Variants in POLA1 observed in about 807,000 individuals in gnomAD.
POLA1 encodes DNA polymerase alpha 1, catalytic subunit.
POLA1 carries 15 observed loss-of-function variants against 124.0 expected under a neutral mutation model. The observed-to-expected ratio is 0.12, with a 90% CI of 0.08 to 0.19. POLA1 has a LOEUF of 0.19. Among genes scored for constraint, POLA1 ranks in the 10% least tolerant of loss-of-function variants. The pLI is 1.00. For synonymous variants in POLA1, 408 were observed against 389.4 expected (o/e 1.05, Z -0.56); for missense variants, 886 against 1,103.4 (o/e 0.80, Z 2.79).
At chrX:24,809,798 A>G (rs749658503) in intron 26 of POLA1, 100 bp from the exon 27 acceptor site, 35 of 496,100 alleles carry the variant, frequency 7.1e-5, no homozygotes, top group Non-Finnish European at 1.1e-4. Flanking sequence ...TTAGAAATAC[A>G]TGGAAATGGC....
chrX:24,878,455 A>G (rs924967762), intron 34 of POLA1, among the ~76,000 whole-genome samples: 4 of 111,493 alleles, frequency 3.6e-5, no homozygotes, highest in Non-Finnish European at 7.5e-5. Flanking sequence ...TTACCCCAGG[A>G]CATCTGAGTT....
intron 36 of POLA1, among the ~76,000 whole-genome samples, chrX:24,979,770 G>A (rs2048401363): frequency 8.9e-6 from 1 of 112,337 alleles, no homozygotes; most frequent in East Asian, 2.8e-4. Flanking sequence ...TTCCCAAGGC[G>A]CTGCCCTGCA....
In POLA1 at chrX:24,737,678, G is replaced by A; in HGVS notation, c.1977G>A (p.Val659=). The change falls in exon 19 of 37, where the codon GTG becomes GTA. Residue 659 remains valine, a synonymous_variant. Coordinates refer to ENST00000379068, the MANE Select transcript of POLA1 (RefSeq NM_001330360.2). The part of the protein sequence containing the change: ...ELEVLLQRIN[V]CKAPHWSKIG... The stretch of plus-strand genomic sequence containing the variant: ...AAGTACTACTGCAGAGAATTAATGT[G>A]TGCAAAGCTCCTCACTGGTCCAAGA... 1 of 1,184,189 alleles carries A rather than the reference G, an allele frequency of 8.4e-7. No individual in the cohort carries two copies. Among genetic ancestry groups the A allele is most frequent in the Non-Finnish European group, 1.1e-6 (1 of 871,303 alleles).
chrX:24,919,472 T>C (rs2047580417), intron 35 of POLA1, among the ~76,000 whole-genome samples: 2 of 111,503 alleles, frequency 1.8e-5, no homozygotes, highest in Non-Finnish European at 3.8e-5. Flanking sequence ...AAATGAAAGG[T>C]TACCTGGCCT....
intron 26 of POLA1, among the ~76,000 whole-genome samples, chrX:24,783,626 A>G (rs1237466225): frequency 1.8e-5 from 2 of 112,110 alleles, no homozygotes; most frequent in Non-Finnish European, 3.8e-5. Flanking sequence ...CACCAAGTTT[A>G]AAGTCTTTTC....
chrX:24,859,378 A>G (rs1381634625), intron 34 of POLA1, among the ~76,000 whole-genome samples: 1 of 111,202 alleles, frequency 9.0e-6, no homozygotes, highest in Non-Finnish European at 1.9e-5. Context: ...AGAGCTTGGC[A>G]TTCCTCAGGG....
intron 23 of POLA1, 72 bp downstream of exon 23, chrX:24,743,401 A>G (rs894757399): frequency 1.9e-5 from 10 of 522,922 alleles, no homozygotes; most frequent in Admixed American, 3.3e-5. Flanking sequence ...GGCTTGAGAA[A>G]CTAGAAGACT....
intron 26 of POLA1, among the ~76,000 whole-genome samples, chrX:24,800,931 C>T (rs939269349): frequency 2.7e-5 from 3 of 111,813 alleles, no homozygotes; most frequent in East Asian, 5.6e-4. Flanking sequence ...ACTCATAAAT[C>T]GTATTAAATT....
At chrX:24,975,626 G>C (rs1393706384) in intron 36 of POLA1, among the ~76,000 whole-genome samples, 1 of 112,001 alleles carries the variant, frequency 8.9e-6, no homozygotes, top group African/African-American at 3.3e-5. Flanking sequence ...ACCCATGAGA[G>C]AATGAGAGTG....
chrX:24,980,014 T>A (rs1354377397), intron 36 of POLA1, among the ~76,000 whole-genome samples: 1 of 111,979 alleles, frequency 8.9e-6, no homozygotes, highest in Non-Finnish European at 1.9e-5. Context: ...ATGTATTTTT[T>A]CCTTTTCTTC....
At chrX:24,817,607 C>CAAAAAAA (rs1171262514) in intron 30 of POLA1, among the ~76,000 whole-genome samples, 2 of 33,455 alleles carry the variant, frequency 6.0e-5, no homozygotes, top group African/African-American at 9.2e-5. Flanking sequence ...GATTCCATCT[C>CAAAAAAA]AAAAAAAAAA....
At chrX:24,910,082 A>G (rs1186896039) in intron 35 of POLA1, among the ~76,000 whole-genome samples, 1 of 108,449 alleles carries the variant, frequency 9.2e-6, no homozygotes, top group African/African-American at 3.4e-5. Flanking sequence ...TTGCACATTG[A>G]TTTTGTATCC....
chrX:24,802,683 T>C (rs765158631), intron 26 of POLA1, among the ~76,000 whole-genome samples: 5 of 111,704 alleles, frequency 4.5e-5, no homozygotes, highest in African/African-American at 1.6e-4. Context: ...GTAGCATATG[T>C]GGGCTCATTG....
intron 26 of POLA1, among the ~76,000 whole-genome samples, chrX:24,764,319 A>G (rs1932852937): frequency 8.9e-6 from 1 of 112,079 alleles, no homozygotes; most frequent in South Asian, 3.7e-4. Flanking sequence ...AGTCTTCTCT[A>G]AAAAGGCCAG....
At chrX:24,952,808 G>A (rs1244717595) in intron 36 of POLA1, among the ~76,000 whole-genome samples, 1 of 111,264 alleles carries the variant, frequency 9.0e-6, no homozygotes, top group Admixed American at 9.5e-5. Flanking sequence ...TTAAAAGTTG[G>A]AAAAAAAATT....
chrX:24,774,547 G>T (rs1369728943), intron 26 of POLA1, among the ~76,000 whole-genome samples: 1 of 111,344 alleles, frequency 9.0e-6, no homozygotes, highest in Non-Finnish European at 1.9e-5. Flanking sequence ...CTGCTTGTCT[G>T]GTTTCTTGCC....
In POLA1 at chrX:24,852,736, G is replaced by C. The variant is rs375797197; in HGVS notation, c.4047+9059G>C. Among the ~76,000 whole-genome samples, 6 of 111,873 alleles carry C rather than the reference G, an allele frequency of 5.4e-5. No individual in the cohort carries two copies. The East Asian group carries it at 1.7e-3, about 31-fold the overall frequency. On this transcript the variant is annotated intron_variant, in intron 34 of 36. Coordinates refer to ENST00000379068, the MANE Select transcript of POLA1 (RefSeq NM_001330360.2). ...TGTGCTATAGTGTAACTCTCAGGGT[G>C]GGTAGTTTTGTGAGGTCCATCACCC...
chrX:24,718,236 A>G (rs1303861028), intron 10 of POLA1, among the ~76,000 whole-genome samples: 1 of 112,066 alleles, frequency 8.9e-6, no homozygotes, highest in Non-Finnish European at 1.9e-5. Context: ...TTCGTGCACT[A>G]TAATGGAGCT....
chrX:24,891,829 A>G, intron 35 of POLA1, among the ~76,000 whole-genome samples: 1 of 112,077 alleles, frequency 8.9e-6, no homozygotes, highest in South Asian at 3.8e-4. Flanking sequence ...GTGGGCAAAA[A>G]TAGGCATTTA....
Sources: allele counts gnomAD v4.1 joint callset (sites outside exome capture counted in the v4.1 genomes callset), GRCh38; gene constraint gnomAD v4.1.1; transcripts MANE v1.5; gene names NCBI Gene and HGNC (gene_info 2026-07-23, HGNC 2026-07-21).